LAMA3: variants seen among roughly 807,000 people sequenced by gnomAD.
The protein encoded by LAMA3 is laminin subunit alpha-3.
LAMA3 carries 281 observed loss-of-function variants against 402.0 expected under a neutral mutation model. The ratio of observed to expected loss-of-function variants is 0.70; its 90% CI spans 0.63 to 0.77. LAMA3 has a LOEUF of 0.77. Among genes scored for constraint, LAMA3 ranks in the 30% least tolerant of loss-of-function variants. LAMA3 has a pLI of 0.00. For synonymous variants in LAMA3, 1,431 were observed against 1,558.4 expected, an observed-to-expected ratio of 0.92 and a Z score of 1.93; for missense variants, 3,840 against 4,215.5, an observed-to-expected ratio of 0.91 and a Z score of 2.47.
At chr18:23,856,614 C>T (rs757373806) in intron 32 of LAMA3, among the ~76,000 whole-genome samples, 11 of 152,078 alleles carry the variant, frequency 7.2e-5, no homozygotes, top group Non-Finnish European at 1.2e-4. Flanking sequence ...CTTGTCTGCC[C>T]GGATCTTCAG....
At chr18:23,794,379 G>T (rs992186714) in intron 12 of LAMA3, among the ~76,000 whole-genome samples, 1 of 152,278 alleles carries the variant, frequency 6.6e-6, no homozygotes, top group Admixed American at 6.5e-5. Context: ...AGAAACTGTG[G>T]GCGAAAACCG....
chr18:23,717,704 C>T (rs2093673629), intron 2 of LAMA3, among the ~76,000 whole-genome samples: 1 of 149,090 alleles, frequency 6.7e-6, no homozygotes, highest in Non-Finnish European at 1.5e-5. Flanking sequence ...AGGTGCCCAC[C>T]ACCATGCCTG....
intron 72 of LAMA3, among the ~76,000 whole-genome samples, 184 bp downstream of exon 72, chr18:23,950,343 AT>A (rs1254899050): frequency 4.6e-5 from 7 of 152,166 alleles, no homozygotes; most frequent in Non-Finnish European, 8.8e-5. Flanking sequence ...TCTGTTCTTA[AT>A]TTTTAAAACT....
chr18:23,820,014 G>C lies in LAMA3; in HGVS notation c.2304+17G>C. ...TCAGTACAGGTACGCAACCCGAAGA[G>C]AGCAGCTTCATGGCTGAGTAGCTCA... On this transcript the variant is annotated intron_variant, in intron 19 of 74. Transcript: ENST00000313654. 1.2e-6 allele frequency: 2 copies of C among 1,613,846 alleles called. No homozygotes were observed. Among genetic ancestry groups the C allele is most frequent in the South Asian group, 1.1e-5 (1 of 91,056 alleles).
intron 34 of LAMA3, among the ~76,000 whole-genome samples, chr18:23,861,045 G>T (rs550896701): frequency 1.3e-5 from 2 of 151,798 alleles, no homozygotes; most frequent in South Asian, 2.1e-4. Flanking sequence ...ATCTTTTACT[G>T]CCTGTCTCCT....
intron 42 of LAMA3, among the ~76,000 whole-genome samples, chr18:23,893,580 C>G (rs1054651554): frequency 2.0e-5 from 3 of 151,960 alleles, no homozygotes; most frequent in Non-Finnish European, 2.9e-5. Context: ...GAGACTCCCC[C>G]CTCCCCACCG....
intron 39 of LAMA3, among the ~76,000 whole-genome samples, chr18:23,880,022 A>G (rs908678436): frequency 1.3e-5 from 2 of 152,264 alleles, no homozygotes; most frequent in African/African-American, 4.8e-5. Flanking sequence ...GGATTAAAAG[A>G]GAAAGAGAAC....
At chr18:23,912,593 C>G in intron 55 of LAMA3, 118 bp from the exon 56 acceptor site, 2 of 827,736 alleles carry the variant, frequency 2.4e-6, no homozygotes, top group South Asian at 1.4e-5. Context: ...TCCCTTGCTC[C>G]TTATCATAAC....
intron 38 of LAMA3, chr18:23,873,100 G>A (rs764262936): frequency 1.9e-6 from 3 of 1,614,040 alleles, no homozygotes; most frequent in Non-Finnish European, 2.5e-6. Flanking sequence ...TGGATCTTTG[G>A]GGCAGCCCTG....
At position 23,775,887 on chromosome 18, in the gene LAMA3, T is replaced by C. The variant is rs2062306680; in HGVS notation, c.1369T>C (p.Cys457Arg). ...PNFHGDNCEKCAIGYYNFPFC... is the reference protein window; with the variant it reads ...PNFHGDNCEKRAIGYYNFPFC... Reference sequence around the variant, plus strand: ...TTTCCACGGAGACAACTGTGAGAAGTGTGCAATTGGATACTACAATTTCCC... The same window carrying C: ...TTTCCACGGAGACAACTGTGAGAAGCGTGCAATTGGATACTACAATTTCCC... Residue 457 changes from cysteine (C) to arginine (R), a missense_variant, in exon 10 of 75, where the codon TGT (cysteine) becomes CGT (arginine). Transcript: ENST00000313654. 1.9e-6 allele frequency: 3 copies of C among 1,614,076 alleles called. No individual in the cohort carries two copies.
intron 68 of LAMA3, among the ~76,000 whole-genome samples, chr18:23,941,395 C>T (rs2082515342): frequency 7.0e-6 from 1 of 143,256 alleles, no homozygotes; most frequent in Non-Finnish European, 1.5e-5. Context: ...TCTAACGATT[C>T]AACCCCTGTG....
intron 12 of LAMA3, among the ~76,000 whole-genome samples, chr18:23,787,172 C>T (rs2062561388): frequency 6.6e-6 from 1 of 152,124 alleles, no homozygotes; most frequent in Non-Finnish European, 1.5e-5. Flanking sequence ...ATCCCAGCTA[C>T]TTGGGAGGCT....
At chr18:23,900,413 C>T (rs561964216) in intron 47 of LAMA3, among the ~76,000 whole-genome samples, 5 of 152,142 alleles carry the variant, frequency 3.3e-5, no homozygotes, top group Non-Finnish European at 5.9e-5. Context: ...CAACCTGTCA[C>T]ATGAGGTCAG....
chr18:23,758,749 G>A (rs192899323), intron 7 of LAMA3, among the ~76,000 whole-genome samples: 53 of 152,338 alleles, frequency 3.5e-4, no homozygotes, highest in Admixed American at 1.4e-3. Context: ...ATGGGGCTCC[G>A]TGCTTTAATA....
chr18:23,935,725 C>T (rs2082294375), intron 67 of LAMA3, among the ~76,000 whole-genome samples: 1 of 152,108 alleles, frequency 6.6e-6, no homozygotes, highest in South Asian at 2.1e-4. Context: ...ACACAAAATA[C>T]TTAGAAAAGT....
intron 30 of LAMA3, among the ~76,000 whole-genome samples, chr18:23,845,661 G>T (rs1452196627): frequency 2.0e-5 from 3 of 152,196 alleles, no homozygotes; most frequent in Non-Finnish European, 2.9e-5. Flanking sequence ...TTCCTGAAGA[G>T]CCCAGGTACT....
intron 21 of LAMA3, 151 bp downstream of exon 21, chr18:23,824,716 C>G (rs2063348316): frequency 1.2e-6 from 1 of 830,236 alleles, no homozygotes; most frequent in African/African-American, 1.7e-5. Context: ...CCTAAGGAAA[C>G]TGTGGTGACA....
chr18:23,914,454 C>A lies in LAMA3; in HGVS notation c.7374C>A (p.Leu2458=), dbSNP rs2081540614. 6 of 1,613,984 alleles carry A rather than the reference C, an allele frequency of 3.7e-6. No homozygotes were observed. The South Asian group carries it at 5.5e-5, about 15-fold the overall frequency. ...GCATGGCAGTTGTGGATGGCCAGCT[C>A]ACCTGTGTCTACAACCTGGGGGACC... is the stretch of plus-strand genomic sequence containing the variant. ...YIGMAVVDGQ[L]TCVYNLGDRE... is the part of the protein sequence containing the mutation. Residue 2458 remains leucine (L), a synonymous_variant, in exon 57 of 75, where the codon CTC becomes CTA. Coordinates refer to ENST00000313654, the MANE Select transcript of LAMA3 (RefSeq NM_198129.4).
chr18:23,849,446 C>T (rs893582043), intron 32 of LAMA3, among the ~76,000 whole-genome samples: 2 of 152,198 alleles, frequency 1.3e-5, no homozygotes, highest in African/African-American at 4.8e-5. Flanking sequence ...AATCAGTTTT[C>T]AGGCAGGAAG....
Sources: allele counts gnomAD v4.1 joint callset (sites outside exome capture counted in the v4.1 genomes callset), GRCh38; gene constraint gnomAD v4.1.1; transcripts MANE v1.5; gene names NCBI Gene and HGNC (gene_info 2026-07-23, HGNC 2026-07-21).